ADAMTSL1: variants seen among roughly 807,000 people sequenced by gnomAD.
ADAMTSL1 encodes ADAMTS-like protein 1.
ADAMTSL1 carries 126 observed loss-of-function variants against 201.8 expected under a neutral mutation model. The observed-to-expected ratio is 0.62, with a 90% CI of 0.54 to 0.72. The LOEUF is 0.72. ADAMTSL1 is among the 30% of genes least tolerant of loss of function. The pLI is 0.00. For synonymous variants in ADAMTSL1, 1,121 were observed against 903.4 expected (o/e 1.24, Z -4.32); for missense variants, 2,679 against 2,277.8 (o/e 1.18, Z -3.59).
intron 7 of ADAMTSL1, 89 bp from the exon 8 acceptor site, chr9:18,657,550 G>T: frequency 1.1e-6 from 1 of 914,594 alleles, no homozygotes; most frequent in African/African-American, 1.6e-5. Context: ...AAAACCATCA[G>T]CACTACCATA....
chr9:18,469,430 T>G (rs77541350), upstream of ADAMTSL1, among the ~76,000 whole-genome samples: 1,950 of 152,364 alleles, frequency 0.013, 41 homozygotes, highest in African/African-American at 0.044. Context: ...CTTGCTAATT[T>G]AAGCAGAAAG....
At chr9:17,916,028 T>C (rs1826078376) in intron 1 of ADAMTSL1, among the ~76,000 whole-genome samples, 1 of 152,188 alleles carries the variant, frequency 6.6e-6, no homozygotes, top group Non-Finnish European at 1.5e-5. Context: ...CAAACAATTC[T>C]CATGCTTCTG....
intron 2 of ADAMTSL1, among the ~76,000 whole-genome samples, chr9:18,168,818 C>A (rs1379551174): frequency 6.7e-6 from 1 of 148,422 alleles, no homozygotes; most frequent in Non-Finnish European, 1.5e-5. Context: ...GATCGCCATT[C>A]TAACTGGTGT....
At chr9:17,967,920 A>T (rs968720270) in intron 1 of ADAMTSL1, among the ~76,000 whole-genome samples, 1 of 152,112 alleles carries the variant, frequency 6.6e-6, no homozygotes, top group Admixed American at 6.6e-5. Flanking sequence ...TTGCCAATAG[A>T]CAGGGTGTGT....
intron 14 of ADAMTSL1, among the ~76,000 whole-genome samples, chr9:18,715,865 C>G (rs1587967650): frequency 1.3e-5 from 2 of 151,840 alleles, no homozygotes; most frequent in Admixed American, 6.6e-5. Context: ...ACCAAAACAG[C>G]ATGGTACTGG....
intron 2 of ADAMTSL1, among the ~76,000 whole-genome samples, chr9:18,348,635 T>A (rs996159754): frequency 2.0e-5 from 3 of 152,168 alleles, no homozygotes; most frequent in South Asian, 4.1e-4. Context: ...CAGGACCAAC[T>A]GCAGACTTCC....
intron 1 of ADAMTSL1, among the ~76,000 whole-genome samples, chr9:17,997,609 C>A (rs576906729): frequency 1.3e-5 from 2 of 151,952 alleles, no homozygotes; most frequent in Non-Finnish European, 2.9e-5. Context: ...CTCCACACAG[C>A]GATGCCTCTG....
intron 2 of ADAMTSL1, among the ~76,000 whole-genome samples, chr9:18,409,383 C>CAAA (rs781106126): frequency 1.3e-4 from 10 of 77,174 alleles, no homozygotes; most frequent in East Asian, 5.0e-4. Context: ...AACTCCGTCT[C>CAAA]AAAAAAAAAA....
At chr9:18,672,790 G>A (rs1051610030) in intron 9 of ADAMTSL1, among the ~76,000 whole-genome samples, 2 of 152,128 alleles carry the variant, frequency 1.3e-5, no homozygotes, top group African/African-American at 4.8e-5. Context: ...ATTGTCAATG[G>A]ACAATTCAGT....
chr9:17,920,616 C>A (rs1048679555), intron 1 of ADAMTSL1, among the ~76,000 whole-genome samples: 1 of 152,120 alleles, frequency 6.6e-6, no homozygotes, highest in African/African-American at 2.4e-5. Flanking sequence ...GAATCCAGTT[C>A]CATTTTAAAT....
intron 6 of ADAMTSL1, 147 bp downstream of exon 6, chr9:18,636,164 T>G (rs1400401490): frequency 1.5e-6 from 1 of 679,810 alleles, no homozygotes; most frequent in African/African-American, 1.9e-5. Context: ...GTTTATCTTT[T>G]AGCTGCCTGA....
chr9:18,267,762 T>TAAAAAAAAAAAAAAAAA (rs72030473), intron 2 of ADAMTSL1, among the ~76,000 whole-genome samples: 4 of 125,286 alleles, frequency 3.2e-5, no homozygotes, highest in Admixed American at 9.5e-5. Flanking sequence ...CAAAGGCTAT[T>TAAAAAAAAAAAAAAAAA]AAAAAAAAAA....
intron 2 of ADAMTSL1, among the ~76,000 whole-genome samples, chr9:18,180,792 C>G (rs187572896): frequency 6.6e-6 from 1 of 151,970 alleles, no homozygotes; most frequent in Non-Finnish European, 1.5e-5. Context: ...CTACTTTAAA[C>G]TTCATATGGA....
At chr9:18,236,261 G>A (rs1366191955) in intron 2 of ADAMTSL1, among the ~76,000 whole-genome samples, 3 of 152,014 alleles carry the variant, frequency 2.0e-5, no homozygotes, top group South Asian at 2.1e-4. Context: ...TACTAGAGAC[G>A]GGGTTTCACT....
At chr9:18,391,158 G>T (rs1375897927) in intron 2 of ADAMTSL1, among the ~76,000 whole-genome samples, 2 of 152,010 alleles carry the variant, frequency 1.3e-5, no homozygotes, top group Admixed American at 6.5e-5. Context: ...TTATTTTGTT[G>T]GACCTAAAAC....
At chr9:17,947,261 T>TA (rs931046047) in intron 1 of ADAMTSL1, among the ~76,000 whole-genome samples, 4 of 150,708 alleles carry the variant, frequency 2.7e-5, no homozygotes, top group African/African-American at 9.7e-5. Flanking sequence ...TATATACAGT[T>TA]AAAATAACTA....
chr9:17,949,813 C>G (rs1158406589), intron 1 of ADAMTSL1, among the ~76,000 whole-genome samples: 1 of 152,104 alleles, frequency 6.6e-6, no homozygotes, highest in African/African-American at 2.4e-5. Flanking sequence ...ATTTCCAGGT[C>G]TGTGACATGA....
intron 7 of ADAMTSL1, among the ~76,000 whole-genome samples, chr9:18,647,937 A>G (rs1193202046): frequency 1.3e-5 from 2 of 149,680 alleles, no homozygotes; most frequent in African/African-American, 2.4e-5. Flanking sequence ...ATTCCTGGGT[A>G]TCCTTTTTGA....
intron 23 of ADAMTSL1, among the ~76,000 whole-genome samples, chr9:18,838,360 T>C (rs1588201630): frequency 1.2e-5 from 1 of 86,692 alleles, no homozygotes; most frequent in Admixed American, 1.1e-4. Context: ...CAAACCATAT[T>C]ACACACACAC....
Sources: allele counts gnomAD v4.1 joint callset (sites outside exome capture counted in the v4.1 genomes callset), GRCh38; gene constraint gnomAD v4.1.1; transcripts MANE v1.5; gene names NCBI Gene and HGNC (gene_info 2026-07-23, HGNC 2026-07-21).